AMPH: variants seen among roughly 807,000 people sequenced by gnomAD.
The protein encoded by AMPH is amphiphysin (Stiff-Mann syndrome with breast cancer 128kD autoantigen).
A neutral mutation model predicts 99.1 loss-of-function variants in AMPH; 49 were observed. The observed-to-expected ratio is 0.49, with a 90% CI of 0.39 to 0.63. The LOEUF is 0.63. Among genes scored for constraint, AMPH ranks in the 20% least tolerant of loss-of-function variants. The pLI is 0.00. For missense variants in AMPH, 759 were observed against 863.4 expected, an observed-to-expected ratio of 0.88 and a Z score of 1.52; for synonymous variants, 314 against 317.3, an observed-to-expected ratio of 0.99 and a Z score of 0.11.
chr7:38,451,648 G>A (rs901233309), intron 11 of AMPH, among the ~76,000 whole-genome samples: 2 of 152,074 alleles, frequency 1.3e-5, no homozygotes, highest in African/African-American at 4.8e-5. Context: ...CCTTAAACAT[G>A]CCGATGTAAA....
At chr7:38,450,430 C>T (rs956516908) in intron 11 of AMPH, among the ~76,000 whole-genome samples, 1 of 152,148 alleles carries the variant, frequency 6.6e-6, no homozygotes, top group African/African-American at 2.4e-5. Flanking sequence ...TTACAGTTTC[C>T]TAAGTCTTCC....
chr7:38,415,965 T>C (rs138524367), intron 17 of AMPH, among the ~76,000 whole-genome samples: 1,798 of 151,726 alleles, frequency 0.012, 42 homozygotes, highest in African/African-American at 0.041. Flanking sequence ...AAAAGGTATT[T>C]TCAGAATGAA....
chr7:38,610,279 AG>A (rs1584302186), intron 1 of AMPH, among the ~76,000 whole-genome samples: 9 of 33,856 alleles, frequency 2.7e-4, no homozygotes, highest in East Asian at 7.6e-4. Context: ...AAAGAAAGAA[AG>A]AAAGAAAGAA....
At chr7:38,627,594 G>T (rs975572206) in intron 1 of AMPH, among the ~76,000 whole-genome samples, 1 of 144,546 alleles carries the variant, frequency 6.9e-6, no homozygotes, top group Non-Finnish European at 1.5e-5. Flanking sequence ...GGTGGAGCTT[G>T]CAGTGAGCCG....
chr7:38,530,673 A>C (rs1320020944), intron 2 of AMPH, among the ~76,000 whole-genome samples: 2 of 152,150 alleles, frequency 1.3e-5, no homozygotes, highest in Non-Finnish European at 2.9e-5. Context: ...GGAAGGAGGG[A>C]GAGAAACCAA....
At chr7:38,614,034 G>A (rs1258468078) in intron 1 of AMPH, among the ~76,000 whole-genome samples, 3 of 152,042 alleles carry the variant, frequency 2.0e-5, no homozygotes, top group Non-Finnish European at 2.9e-5. Context: ...TCCAAAGACC[G>A]GGAAAGGGAA....
chr7:38,584,537 G>A (rs1449655323), intron 1 of AMPH, among the ~76,000 whole-genome samples: 1 of 152,198 alleles, frequency 6.6e-6, no homozygotes, highest in Admixed American at 6.5e-5. Context: ...GATGTCCCCT[G>A]AAGGCAGTTA....
chr7:38,458,129 T>A (rs1787302128), intron 11 of AMPH, among the ~76,000 whole-genome samples: 1 of 152,142 alleles, frequency 6.6e-6, no homozygotes, highest in East Asian at 1.9e-4. Context: ...ATGTTCACTA[T>A]CTGGGTGATG....
chr7:38,488,589 C>A (rs922719353), intron 5 of AMPH, among the ~76,000 whole-genome samples: 3 of 151,976 alleles, frequency 2.0e-5, no homozygotes, highest in Non-Finnish European at 4.4e-5. Flanking sequence ...TTGATGGGTG[C>A]GGCAAACCAC....
intron 1 of AMPH, among the ~76,000 whole-genome samples, chr7:38,603,632 G>A (rs977683073): frequency 7.9e-5 from 12 of 152,254 alleles, no homozygotes; most frequent in Admixed American, 4.6e-4. Flanking sequence ...TGCAAATGGA[G>A]TTACATGGAG....
chr7:38,509,521 C>T (rs1470360167), intron 2 of AMPH, among the ~76,000 whole-genome samples: 4 of 152,310 alleles, frequency 2.6e-5, no homozygotes, highest in East Asian at 3.9e-4. Context: ...GATCTCCATT[C>T]GGATCTTCTG....
At position 38,384,659 on chromosome 7, in the gene AMPH, C is replaced by T; in HGVS notation, c.*159G>A. The T allele has an allele frequency of 1.7e-6, 1 of 575,000 alleles. No homozygotes were observed. The highest frequency in any genetic ancestry group is 3.1e-6 in the Non-Finnish European group (1 of 325,090). The allele number at this position is 575,000 out of a possible 1,614,324, so 35.6% of individuals were successfully genotyped here. A position where few individuals can be genotyped will look rare whatever the true frequency, so the allele number is the denominator to read the frequency against. On this transcript the variant is annotated 3_prime_UTR_variant, in exon 21 of 21. Transcript: ENST00000356264. The stretch of plus-strand genomic sequence containing the variant: ...CCTTAATTTACTTTTTTTCCTCTTA[C>T]ATTTTTTTGCACACATGCTCCATTG...
At chr7:38,576,624 A>G (rs1792255321) in intron 1 of AMPH, among the ~76,000 whole-genome samples, 1 of 152,180 alleles carries the variant, frequency 6.6e-6, no homozygotes. Context: ...AATATAGGAG[A>G]TAAAGGCAAA....
At chr7:38,517,495 G>C (rs1402248384) in intron 2 of AMPH, among the ~76,000 whole-genome samples, 1 of 152,166 alleles carries the variant, frequency 6.6e-6, no homozygotes, top group Non-Finnish European at 1.5e-5. Context: ...CCCCATCCAT[G>C]CTTCCTGTTC....
chr7:38,565,123 CAAA>C (rs35508498), intron 1 of AMPH, among the ~76,000 whole-genome samples: 18 of 125,466 alleles, frequency 1.4e-4, no homozygotes, highest in Admixed American at 2.4e-4. Context: ...GACTCCGTCT[CAAA>C]AAAAAAAAAA....
chr7:38,631,294 C>A lies in AMPH; in HGVS notation c.58G>T (p.Ala20Ser). 6.5e-7 allele frequency: 1 copy of A among 1,535,088 alleles called. No homozygotes were observed. Among genetic ancestry groups the A allele is most frequent in the South Asian group, 1.2e-5 (1 of 82,250 alleles). The change falls in exon 1 of 21, where the codon GCG becomes TCG. Residue 20 changes from alanine (A) to serine (S), a missense_variant. Ala to Ser is a moderately conservative substitution (Grantham distance 99). Coordinates refer to ENST00000356264, the MANE Select transcript of AMPH (RefSeq NM_001635.4). ...CGCCCGCCGCTGACCTTTTCCTGCG[C>A]GCGGTTGAGTCGCTTCTGGACGTTC... The part of the protein sequence containing the change: ...AKNVQKRLNR[A>S]QEKVLQKLGK...
chr7:38,418,206 C>T (rs1475017175), intron 16 of AMPH, among the ~76,000 whole-genome samples: 1 of 152,132 alleles, frequency 6.6e-6, no homozygotes, highest in Non-Finnish European at 1.5e-5. Context: ...CAAGACTTAC[C>T]ATTTTACCTA....
intron 19 of AMPH, among the ~76,000 whole-genome samples, chr7:38,390,995 GA>G (rs34117582): frequency 0.034 from 2,517 of 74,490 alleles, 46 homozygotes; most frequent in Middle Eastern, 0.074. Flanking sequence ...GAGAGAGAGA[GA>G]GAGAGAGAGA....
chr7:38,422,181 G>A (rs564672119), intron 16 of AMPH, among the ~76,000 whole-genome samples: 1 of 152,312 alleles, frequency 6.6e-6, no homozygotes, highest in African/African-American at 2.4e-5. Flanking sequence ...GTGTTCTGCT[G>A]GGGTTCATCA....
Sources: allele counts gnomAD v4.1 joint callset (sites outside exome capture counted in the v4.1 genomes callset), GRCh38; gene constraint gnomAD v4.1.1; transcripts MANE v1.5; gene names NCBI Gene and HGNC (gene_info 2026-07-23, HGNC 2026-07-21).